The following ZMYM2 variants were observed in gnomAD, a reference collection of about 807,000 sequenced individuals.
The protein encoded by ZMYM2 is zinc finger MYM-type protein 2.
In ZMYM2, 56 loss-of-function variants were observed where a neutral mutation model predicts 162.8. That is an observed-to-expected ratio of 0.34 (90% CI 0.28 to 0.43). The LOEUF (loss-of-function observed/expected upper bound fraction) is 0.43, where lower values mean the gene tolerates loss of function less well. ZMYM2 is among the 20% of genes least tolerant of loss of function. The probability of loss-of-function intolerance (pLI) is 1.00; values close to 1 mark genes in which losing one functional copy is unlikely to be tolerated. For synonymous variants in ZMYM2, 510 were observed against 541.6 expected, an observed-to-expected ratio of 0.94 and a Z score of 0.81; for missense variants, 1,275 against 1,621.8, an observed-to-expected ratio of 0.79 and a Z score of 3.67.
intron 9 of ZMYM2, among the ~76,000 whole-genome samples, 193 bp from the exon 10 acceptor site, chr13:20,031,126 T>A (rs1191581319): frequency 6.6e-6 from 1 of 152,008 alleles, no homozygotes; most frequent in Non-Finnish European, 1.5e-5. Flanking sequence ...AAAATTAAAT[T>A]TAATTTCAAT....
intron 2 of ZMYM2, among the ~76,000 whole-genome samples, chr13:19,968,605 T>G (rs1241417468): frequency 6.6e-6 from 1 of 152,230 alleles, no homozygotes; most frequent in Non-Finnish European, 1.5e-5. Flanking sequence ...TGTCCTTTAC[T>G]GTCATCTTTA....
At chr13:20,053,512 C>T (rs1416252139) in intron 14 of ZMYM2, among the ~76,000 whole-genome samples, 6 of 151,938 alleles carry the variant, frequency 3.9e-5, no homozygotes, top group Non-Finnish European at 7.4e-5. Flanking sequence ...ATTAGCCGGG[C>T]GTGGTGGTGG....
the ZMYM2 span, among the ~76,000 whole-genome samples, chr13:19,899,816 C>CAAAAAAAAA: frequency 3.1e-4 from 20 of 64,988 alleles, no homozygotes; most frequent in South Asian, 6.3e-4. Context: ...GACTCTGACT[C>CAAAAAAAAA]AAAAAAAAAA....
the ZMYM2 span, among the ~76,000 whole-genome samples, chr13:19,937,760 G>A: frequency 1.3e-5 from 2 of 150,548 alleles, no homozygotes; most frequent in South Asian, 2.1e-4. Flanking sequence ...TTAGCATTAG[G>A]TATATCTCCT....
At chr13:19,936,938 G>C in the ZMYM2 span, among the ~76,000 whole-genome samples, 15 of 151,698 alleles carry the variant, frequency 9.9e-5, no homozygotes, top group Admixed American at 2.0e-4. Flanking sequence ...TAGATTACAA[G>C]TGAACTGACT....
chr13:19,909,236 G>A, the ZMYM2 span, among the ~76,000 whole-genome samples: 23 of 152,016 alleles, frequency 1.5e-4, no homozygotes, highest in Non-Finnish European at 2.8e-4. Flanking sequence ...TGCATTAGGA[G>A]ATGCTCAATC....
chr13:19,926,219 C>T, the ZMYM2 span, among the ~76,000 whole-genome samples: 1 of 151,600 alleles, frequency 6.6e-6, no homozygotes. Context: ...CCTCGGCCTC[C>T]CAAAGTGCTG....
At chr13:19,955,333 A>C (rs1201842229), upstream of ZMYM2, among the ~76,000 whole-genome samples, 1 of 152,132 alleles carries the variant, frequency 6.6e-6, no homozygotes, top group African/African-American at 2.4e-5. Flanking sequence ...AGTTTTATAC[A>C]TGTATGCTCG....
chr13:19,962,530 T>A (rs1955355335), intron 2 of ZMYM2, among the ~76,000 whole-genome samples: 1 of 130,982 alleles, frequency 7.6e-6, no homozygotes, highest in African/African-American at 2.9e-5. Context: ...TTTTTTTTTT[T>A]TTTTTTTTTT....
intron 7 of ZMYM2, among the ~76,000 whole-genome samples, chr13:20,022,349 G>T (rs1021421581): frequency 6.6e-6 from 1 of 152,070 alleles, no homozygotes; most frequent in Non-Finnish European, 1.5e-5. Flanking sequence ...TGCATTTTTG[G>T]CATGAATACC....
the ZMYM2 span, among the ~76,000 whole-genome samples, chr13:19,882,308 G>C: frequency 6.6e-6 from 1 of 152,066 alleles, no homozygotes; most frequent in Non-Finnish European, 1.5e-5. Context: ...AATGTATAAA[G>C]AACTCTTACA....
intron 6 of ZMYM2, among the ~76,000 whole-genome samples, chr13:20,013,466 A>AATACTGTGTCAAATAG (rs1951361363): frequency 6.6e-6 from 1 of 152,216 alleles, no homozygotes; most frequent in Admixed American, 6.5e-5. Context: ...TATAATTTTC[A>AATACTGTGTCAAATAG]ATACTGTGTC....
chr13:20,085,727 C>G (rs1958221511), intron 24 of ZMYM2, 95 bp from the exon 25 acceptor site: 7 of 1,110,750 alleles, frequency 6.3e-6, no homozygotes, highest in Non-Finnish European at 8.8e-6. Flanking sequence ...GGTCATATAA[C>G]GTGATTAATG....
chr13:20,006,717 T>A, intron 6 of ZMYM2, 131 bp downstream of exon 6: 1 of 962,156 alleles, frequency 1.0e-6, no homozygotes, highest in Non-Finnish European at 1.6e-6. Flanking sequence ...ATTGTTGTCA[T>A]ATCATGGAGC....
chr13:19,896,272 T>C, the ZMYM2 span, among the ~76,000 whole-genome samples: 1 of 151,376 alleles, frequency 6.6e-6, no homozygotes, highest in Non-Finnish European at 1.5e-5. Flanking sequence ...GCCTCCTGAG[T>C]AGCTGGGACT....
chr13:19,880,381 G>A, the ZMYM2 span, among the ~76,000 whole-genome samples: 22 of 151,986 alleles, frequency 1.4e-4, no homozygotes, highest in South Asian at 3.3e-3. Flanking sequence ...CACCTTCTTC[G>A]TTAATTTAAT....
the ZMYM2 span, among the ~76,000 whole-genome samples, chr13:19,906,301 T>TACATACAAC: frequency 2.5e-5 from 3 of 120,248 alleles, no homozygotes; most frequent in African/African-American, 1.0e-4. Context: ...TATATATATA[T>TACATACAAC]ATATATATAT....
intron 21 of ZMYM2, chr13:20,071,945 G>A (rs1443747340): frequency 1.6e-5 from 3 of 191,116 alleles, no homozygotes; most frequent in Non-Finnish European, 3.4e-5. Flanking sequence ...TGTATTTTGG[G>A]AACAAAGTTA....
chr13:19,941,009 G>A, the ZMYM2 span, among the ~76,000 whole-genome samples: 1 of 152,076 alleles, frequency 6.6e-6, no homozygotes, highest in Non-Finnish European at 1.5e-5. Flanking sequence ...ACATGCTGTA[G>A]TAGTTAAGAC....
Sources: allele counts gnomAD v4.1 joint callset (sites outside exome capture counted in the v4.1 genomes callset), GRCh38; gene constraint gnomAD v4.1.1; transcripts MANE v1.5; gene names NCBI Gene and HGNC (gene_info 2026-07-23, HGNC 2026-07-21).